The following ADAM12 variants were observed in gnomAD, a reference collection of about 807,000 sequenced individuals.
ADAM12 encodes disintegrin and metalloproteinase domain-containing protein 12.
A neutral mutation model predicts 106.4 loss-of-function variants in ADAM12; 70 were observed. The observed-to-expected ratio is 0.66, with a 90% CI of 0.54 to 0.80. The LOEUF is 0.80. ADAM12 is among the 30% of genes least tolerant of loss of function. ADAM12 has a pLI of 0.00. For synonymous variants in ADAM12, 420 were observed against 433.5 expected, an observed-to-expected ratio of 0.97 and a Z score of 0.39; for missense variants, 1,010 against 1,171.9, an observed-to-expected ratio of 0.86 and a Z score of 2.02.
intron 3 of ADAM12, among the ~76,000 whole-genome samples, chr10:126,242,702 T>G (rs1275662694): frequency 6.6e-6 from 1 of 152,208 alleles, no homozygotes; most frequent in African/African-American, 2.4e-5. Context: ...TCTGAGTTTC[T>G]GACACAAATA....
At chr10:126,215,711 G>C (rs4962519) in intron 3 of ADAM12, among the ~76,000 whole-genome samples, 146,059 of 152,272 alleles carry the variant, frequency 0.96, 70,305 homozygotes, top group East Asian at 1. Context: ...ATGCAAAACT[G>C]AAGCCTGCAA....
chr10:126,018,179 T>G (rs1055532655), intron 22 of ADAM12, among the ~76,000 whole-genome samples: 2 of 152,250 alleles, frequency 1.3e-5, no homozygotes, highest in Non-Finnish European at 2.9e-5. Flanking sequence ...TGTCTTCTCC[T>G]TCAGAGATAC....
At chr10:126,311,135 AC>A (rs1295992962) in intron 2 of ADAM12, among the ~76,000 whole-genome samples, 1 of 148,358 alleles carries the variant, frequency 6.7e-6, no homozygotes, top group Non-Finnish European at 1.5e-5. Flanking sequence ...ACACACACAC[AC>A]ACCTGCACGC....
rs1204104051 is a variant in ADAM12, at chr10:126,387,914, C to T, written c.88+144G>A. 50 of 1,108,348 alleles carry T rather than the reference C, an allele frequency of 4.5e-5. No individual in the cohort carries two copies. The African/African-American group carries it at 7.6e-4, about 17-fold the overall frequency. 68.7% of individuals were successfully genotyped at this position (1,108,348 alleles called of 1,614,324 possible). A position where few individuals can be genotyped will look rare whatever the true frequency, so the allele number is the denominator to read the frequency against. Reference sequence around the variant, plus strand: ...TGGGGGGGGGGGGTCGGTCTCGCCGCGCTGGAAGCGCAAGCCCCGGGGCTC... The same window carrying T: ...TGGGGGGGGGGGGTCGGTCTCGCCGTGCTGGAAGCGCAAGCCCCGGGGCTC... On this transcript the variant is annotated intron_variant, in intron 1 of 22. Transcript: ENST00000448723.
intron 2 of ADAM12, among the ~76,000 whole-genome samples, chr10:126,321,719 C>G (rs1854101066): frequency 6.6e-6 from 1 of 152,204 alleles, no homozygotes; most frequent in African/African-American, 2.4e-5. Context: ...CGTCTGCCCC[C>G]TGAACCATGA....
rs377496712 is a variant in ADAM12 at position 126,076,480 on chromosome 10, G to A, written c.1146-4826C>T. On this transcript the variant is annotated intron_variant, in intron 11 of 22. Coordinates refer to ENST00000448723, the MANE Select transcript of ADAM12 (RefSeq NM_001288973.2). Reference sequence around the variant, plus strand: ...ATGGGAGTTCTGTTTTAAGTTCTTCGAGAAACTGCCAAACTGCTTTCCACA... The same window carrying A: ...ATGGGAGTTCTGTTTTAAGTTCTTCAAGAAACTGCCAAACTGCTTTCCACA... Among the ~76,000 whole-genome samples, 11 of 152,266 alleles carry A rather than the reference G, an allele frequency of 7.2e-5. 1 individual carries two copies. Among genetic ancestry groups the A allele is most frequent in the African/African-American group, 2.6e-4 (11 of 41,558 alleles).
At chr10:126,251,164 C>T (rs988524563) in intron 3 of ADAM12, among the ~76,000 whole-genome samples, 2 of 152,224 alleles carry the variant, frequency 1.3e-5, no homozygotes, top group African/African-American at 4.8e-5. Flanking sequence ...CCCTGCTGAG[C>T]GTGTCCATCG....
At chr10:126,109,406 T>G (rs1955829227) in intron 7 of ADAM12, among the ~76,000 whole-genome samples, 1 of 152,262 alleles carries the variant, frequency 6.6e-6, no homozygotes, top group Admixed American at 6.5e-5. Flanking sequence ...TTATTCATTT[T>G]GATTAATGAC....
At chr10:126,037,677 G>A (rs74157713) in intron 20 of ADAM12, among the ~76,000 whole-genome samples, 6,842 of 152,220 alleles carry the variant, frequency 0.045, 538 homozygotes, top group African/African-American at 0.16. Flanking sequence ...TAGCAAGAGG[G>A]TTAAGAGACA....
At chr10:126,159,399 T>C (rs906569293) in intron 3 of ADAM12, among the ~76,000 whole-genome samples, 2 of 151,866 alleles carry the variant, frequency 1.3e-5, no homozygotes, top group Non-Finnish European at 2.9e-5. Context: ...GATTAAGTTA[T>C]ATTAATTATT....
chr10:126,178,091 CTG>C (rs1590567481), intron 3 of ADAM12, among the ~76,000 whole-genome samples: 1 of 152,090 alleles, frequency 6.6e-6, no homozygotes, highest in Non-Finnish European at 1.5e-5. Context: ...GTGAAAATGG[CTG>C]TGTCAATATC....
At chr10:126,356,440 G>C (rs907589830) in intron 1 of ADAM12, among the ~76,000 whole-genome samples, 1 of 152,170 alleles carries the variant, frequency 6.6e-6, no homozygotes, top group African/African-American at 2.4e-5. Context: ...TGCCTGCCTG[G>C]GGTCATTACC....
At position 126,386,887 on chromosome 10, in the gene ADAM12, T is replaced by C. The variant is rs367676092; in HGVS notation, c.88+1171A>G. On this transcript the variant is annotated intron_variant, in intron 1 of 22. Coordinates refer to ENST00000448723, the MANE Select transcript of ADAM12 (RefSeq NM_001288973.2). ...GTTCTTTAAACCCTCAGCAGGATTC[T>C]TTCTTGACTTTCTCATTGCTTTGTG... Among the ~76,000 whole-genome samples, 35 of 152,390 alleles carry C rather than the reference T, an allele frequency of 2.3e-4. No individual in the cohort carries two copies. In the East Asian group the frequency reaches 6.4e-3, roughly 28 times the overall value.
At chr10:126,220,834 C>T (rs1674756586) in intron 3 of ADAM12, among the ~76,000 whole-genome samples, 1 of 152,236 alleles carries the variant, frequency 6.6e-6, no homozygotes, top group Non-Finnish European at 1.5e-5. Context: ...ATCTGTGTCC[C>T]TCTTAGCAAC....
At chr10:126,176,231 T>C (rs966341248) in intron 3 of ADAM12, among the ~76,000 whole-genome samples, 1 of 152,220 alleles carries the variant, frequency 6.6e-6, no homozygotes, top group African/African-American at 2.4e-5. Context: ...AAACATACCA[T>C]GAATTAACAT....
chr10:126,298,285 G>A (rs11817533), intron 2 of ADAM12, among the ~76,000 whole-genome samples: 13,823 of 151,576 alleles, frequency 0.091, 666 homozygotes, highest in East Asian at 0.14. Context: ...ACTCAGAAGC[G>A]GAATTTAAAA....
intron 3 of ADAM12, among the ~76,000 whole-genome samples, chr10:126,220,585 A>C (rs1336942156): frequency 1.3e-5 from 2 of 152,202 alleles, no homozygotes; most frequent in African/African-American, 2.4e-5. Context: ...ATACTTATAA[A>C]AATGATTTTT....
chr10:126,040,622 G>A (rs913830672), intron 18 of ADAM12, among the ~76,000 whole-genome samples: 1 of 152,134 alleles, frequency 6.6e-6, no homozygotes, highest in African/African-American at 2.4e-5. Flanking sequence ...CTGGTTTCCT[G>A]GGCAAAATGT....
intron 1 of ADAM12, 122 bp downstream of exon 1, chr10:126,387,936 G>A (rs113305521): frequency 2.6e-6 from 3 of 1,141,928 alleles, no homozygotes; most frequent in Non-Finnish European, 3.2e-6. Flanking sequence ...AAGCCCCGGG[G>A]CTCCGGAGAT....
Sources: allele counts gnomAD v4.1 joint callset (sites outside exome capture counted in the v4.1 genomes callset), GRCh38; gene constraint gnomAD v4.1.1; transcripts MANE v1.5; gene names NCBI Gene and HGNC (gene_info 2026-07-23, HGNC 2026-07-21).